Variants in TNFRSF19 observed in about 807,000 individuals in gnomAD.
TNFRSF19 encodes TNF receptor superfamily member 19.
Under a neutral mutation model 46.4 loss-of-function variants are expected in TNFRSF19, and 27 were observed. The observed-to-expected ratio is 0.58, with a 90% confidence interval of 0.43 to 0.80. TNFRSF19 has a LOEUF of 0.80. Among genes scored for constraint, TNFRSF19 ranks in the 30% least tolerant of loss-of-function variants. The pLI is 0.00. For synonymous variants in TNFRSF19, 204 were observed against 205.0 expected, an observed-to-expected ratio of 1.00 and a Z score of 0.04; for missense variants, 511 against 530.8, an observed-to-expected ratio of 0.96 and a Z score of 0.37.
intron 1 of TNFRSF19, among the ~76,000 whole-genome samples, chr13:23,587,589 G>C (rs1878934602): frequency 6.6e-6 from 1 of 152,154 alleles, no homozygotes; most frequent in Non-Finnish European, 1.5e-5. Flanking sequence ...GTTTTGTTGA[G>C]GTAGCCATGC....
chr13:23,575,791 T>C (rs1411756305), intron 1 of TNFRSF19, among the ~76,000 whole-genome samples: 1 of 152,226 alleles, frequency 6.6e-6, no homozygotes. Context: ...GACTAGAAGT[T>C]AGGCAATTTT....
intron 1 of TNFRSF19, among the ~76,000 whole-genome samples, chr13:23,589,869 T>A (rs2138178178): frequency 6.6e-6 from 1 of 152,188 alleles, no homozygotes; most frequent in East Asian, 1.9e-4. Context: ...GTAGAGAACA[T>A]GGGTAGAAAA....
chr13:23,627,007 G>A (rs1223398780), intron 5 of TNFRSF19, among the ~76,000 whole-genome samples: 1 of 152,210 alleles, frequency 6.6e-6, no homozygotes, highest in African/African-American at 2.4e-5. Flanking sequence ...GAATCTCAGA[G>A]TGGAGTGCAG....
chr13:23,576,782 CATTT>C (rs1416514674), intron 1 of TNFRSF19, among the ~76,000 whole-genome samples: 3 of 152,064 alleles, frequency 2.0e-5, no homozygotes, highest in Non-Finnish European at 4.4e-5. Context: ...CACAACCATT[CATTT>C]TTTTTCAAAT....
chr13:23,673,808 C>A lies in TNFRSF19; in HGVS notation c.*428C>A. On this transcript the variant is annotated 3_prime_UTR_variant, in exon 10 of 10. Coordinates refer to ENST00000248484, the MANE Select transcript of TNFRSF19 (RefSeq NM_148957.4). ...TTTCTTTCCAGAAATAATTTCATAC[C>A]GCCTATGAAATATCAGATAAATTAC... 1 of 166,574 alleles carries A rather than the reference C, an allele frequency of 6.0e-6. No individual in the cohort carries two copies. The highest frequency in any genetic ancestry group is 1.3e-5 in the Non-Finnish European group (1 of 78,058). The allele number at this position is 166,574 out of a possible 1,614,324, so 10.3% of individuals were successfully genotyped here.
At chr13:23,622,609 T>C (rs1881742110) in intron 4 of TNFRSF19, among the ~76,000 whole-genome samples, 2 of 152,198 alleles carry the variant, frequency 1.3e-5, no homozygotes, top group Non-Finnish European at 2.9e-5. Flanking sequence ...ATTTTTAAAA[T>C]GTTAAGTAGT....
intron 3 of TNFRSF19, among the ~76,000 whole-genome samples, chr13:23,610,938 T>C (rs919980988): frequency 6.6e-6 from 1 of 152,098 alleles, no homozygotes; most frequent in Admixed American, 6.6e-5. Flanking sequence ...AGGTACCAGG[T>C]CATAATTTCA....
intron 8 of TNFRSF19, 140 bp downstream of exon 8, chr13:23,668,222 T>G (rs1951683066): frequency 3.7e-6 from 3 of 811,256 alleles, no homozygotes; most frequent in Non-Finnish European, 5.7e-6. Context: ...TGGGGTGCAG[T>G]TCTCAGGGAA....
intron 9 of TNFRSF19, among the ~76,000 whole-genome samples, chr13:23,671,666 T>C (rs1351036829): frequency 6.6e-6 from 1 of 152,150 alleles, no homozygotes; most frequent in Non-Finnish European, 1.5e-5. Context: ...TTTCCCAATC[T>C]AAATTCCAAC....
intron 1 of TNFRSF19, among the ~76,000 whole-genome samples, chr13:23,575,809 C>T (rs1383025470): frequency 2.0e-5 from 3 of 152,168 alleles, no homozygotes; most frequent in African/African-American, 4.8e-5. Context: ...TTTTCATTAG[C>T]TTTGCTACCA....
chr13:23,644,417 C>G (rs752532372), intron 5 of TNFRSF19, among the ~76,000 whole-genome samples: 51 of 152,142 alleles, frequency 3.4e-4, no homozygotes, highest in Non-Finnish European at 5.4e-4. Flanking sequence ...GGCTTTCCCC[C>G]CTTTGCTTGG....
At chr13:23,662,876 A>G (rs1270557062) in intron 7 of TNFRSF19, among the ~76,000 whole-genome samples, 3 of 152,110 alleles carry the variant, frequency 2.0e-5, no homozygotes, top group African/African-American at 7.2e-5. Flanking sequence ...TGTATCCTGG[A>G]ACTTTGCTGA....
At chr13:23,624,350 T>C (rs1593265578) in intron 4 of TNFRSF19, among the ~76,000 whole-genome samples, 1 of 152,256 alleles carries the variant, frequency 6.6e-6, no homozygotes, top group East Asian at 1.9e-4. Flanking sequence ...TAATTTTTAC[T>C]TCATAAATTC....
chr13:23,631,905 G>A (rs569243335), intron 5 of TNFRSF19, among the ~76,000 whole-genome samples: 1 of 152,270 alleles, frequency 6.6e-6, no homozygotes, highest in East Asian at 1.9e-4. Flanking sequence ...AACATTTACT[G>A]AATCTGATCA....
chr13:23,589,104 A>G (rs1356328111), intron 1 of TNFRSF19, among the ~76,000 whole-genome samples: 2 of 152,106 alleles, frequency 1.3e-5, no homozygotes, highest in East Asian at 1.9e-4. Context: ...TCTAAGTCAG[A>G]TGATCCACTT....
At chr13:23,575,481 C>A (rs1877893830) in intron 1 of TNFRSF19, among the ~76,000 whole-genome samples, 1 of 152,186 alleles carries the variant, frequency 6.6e-6, no homozygotes, top group Non-Finnish European at 1.5e-5. Flanking sequence ...TGGGCATTGG[C>A]CTCACGGTGC....
At chr13:23,579,288 G>C (rs1016040373) in intron 1 of TNFRSF19, 1 of 152,344 alleles carries the variant, frequency 6.6e-6, no homozygotes, top group Non-Finnish European at 1.5e-5. Context: ...CGAGAGCCGC[G>C]GTGAGGGCGG....
chr13:23,642,018 T>C (rs1480476598), intron 5 of TNFRSF19, among the ~76,000 whole-genome samples: 2 of 152,222 alleles, frequency 1.3e-5, no homozygotes, highest in Admixed American at 6.5e-5. Context: ...TATCATACAC[T>C]ATGTCAAAAT....
At chr13:23,672,552 T>C (rs1450477403) in intron 9 of TNFRSF19, among the ~76,000 whole-genome samples, 1 of 152,236 alleles carries the variant, frequency 6.6e-6, no homozygotes, top group African/African-American at 2.4e-5. Context: ...TCATGTCAGT[T>C]AATCAACATA....
Sources: gnomAD v4.1 joint callset for allele counts (sites outside exome capture counted in the v4.1 genomes callset) on GRCh38, gnomAD v4.1.1 for gene constraint, MANE v1.5 for transcripts, NCBI Gene and HGNC (gene_info 2026-07-23, HGNC 2026-07-21) for gene names.